Variants in TRPC5 observed in about 807,000 individuals in gnomAD.
TRPC5 encodes transient receptor potential cation channel subfamily C member 5, also known as short transient receptor potential channel 5.
Under a neutral mutation model 56.5 loss-of-function variants are expected in TRPC5, and 9 were observed. The observed-to-expected ratio is 0.16, with a 90% CI of 0.10 to 0.28. The LOEUF (loss-of-function observed/expected upper bound fraction) is 0.28, where lower values mean the gene tolerates loss of function less well. TRPC5 is among the 10% of genes least tolerant of loss of function. TRPC5 has a pLI of 1.00. For synonymous variants in TRPC5, 282 were observed against 278.5 expected (o/e 1.01, Z -0.13); for missense variants, 469 against 748.9 (o/e 0.63, Z 4.36).
intron 1 of TRPC5, among the ~76,000 whole-genome samples, chrX:112,014,324 A>G (rs983191976): frequency 1.8e-5 from 2 of 112,560 alleles, no homozygotes; most frequent in African/African-American, 3.2e-5. Flanking sequence ...TAGCTTCCAG[A>G]TTGTATCTGA....
chrX:112,042,947 T>C (rs1929933934), intron 1 of TRPC5, among the ~76,000 whole-genome samples: 1 of 111,732 alleles, frequency 8.9e-6, no homozygotes, highest in Non-Finnish European at 1.9e-5. Context: ...TTTATATGCT[T>C]ATGCAAAATA....
At chrX:111,969,078 C>G (rs961794793) in intron 1 of TRPC5, among the ~76,000 whole-genome samples, 30 of 109,465 alleles carry the variant, frequency 2.7e-4, no homozygotes, top group Non-Finnish European at 5.7e-5. Context: ...TTGCCACAGC[C>G]ACTTCAACCT....
intron 6 of TRPC5, among the ~76,000 whole-genome samples, chrX:111,842,530 G>T (rs982281689): frequency 1.8e-5 from 2 of 111,839 alleles, no homozygotes; most frequent in Non-Finnish European, 3.8e-5. Context: ...TTTAATAGCT[G>T]CCCAATATTC....
chrX:111,895,083 T>C (rs931920420), intron 3 of TRPC5, among the ~76,000 whole-genome samples: 1 of 111,983 alleles, frequency 8.9e-6, no homozygotes, highest in African/African-American at 3.2e-5. Context: ...GTGATAGAGG[T>C]ATGATTGGTT....
chrX:111,990,056 A>T (rs1347551649), intron 1 of TRPC5, among the ~76,000 whole-genome samples: 1 of 112,425 alleles, frequency 8.9e-6, no homozygotes, highest in African/African-American at 3.2e-5. Context: ...AATCAAGAAC[A>T]TTCTATTTTT....
intron 1 of TRPC5, among the ~76,000 whole-genome samples, chrX:112,012,740 C>A (rs1185554201): frequency 8.9e-6 from 1 of 111,909 alleles, no homozygotes; most frequent in African/African-American, 3.2e-5. Flanking sequence ...ATTTGCATTT[C>A]TTCCTGTTAA....
chrX:111,861,411 CTTTAT>C (rs1024659110), intron 3 of TRPC5, among the ~76,000 whole-genome samples: 2 of 112,000 alleles, frequency 1.8e-5, no homozygotes, highest in African/African-American at 6.5e-5. Flanking sequence ...AAACCATCCA[CTTTAT>C]TTTATTTAAT....
In TRPC5 at chrX:111,811,052, A is replaced by G. The variant is rs6642502; in HGVS notation, c.1896+23869T>C. 7.1e-5 allele frequency among the ~76,000 whole-genome samples: 8 copies of G among 112,467 alleles called. No individual in the cohort carries two copies. In the East Asian group the frequency reaches 2.2e-3, roughly 31 times the overall value. On this transcript the variant is annotated intron_variant, in intron 7 of 10. Transcript: ENST00000262839. ...AACGGAAATGAGAATTCAAGGAGAC[A>G]AAGGAATGATGTAAACTTTCTTCCC...
chrX:112,050,293 G>A (rs1930182608), intron 1 of TRPC5, among the ~76,000 whole-genome samples: 1 of 112,838 alleles, frequency 8.9e-6, no homozygotes, highest in Non-Finnish European at 1.9e-5. Context: ...TTAACATACT[G>A]AAGGAACCCA....
chrX:112,022,322 G>C (rs1929291995), intron 1 of TRPC5, among the ~76,000 whole-genome samples: 1 of 112,171 alleles, frequency 8.9e-6, no homozygotes, highest in Non-Finnish European at 1.9e-5. Flanking sequence ...GCTTTTGGTT[G>C]AAACGAAAAG....
At chrX:111,938,911 G>A (rs772724737) in intron 2 of TRPC5, among the ~76,000 whole-genome samples, 1 of 111,288 alleles carries the variant, frequency 9.0e-6, no homozygotes, top group Non-Finnish European at 1.9e-5. Context: ...TTTTTCTCTT[G>A]TCTGATAGCT....
intron 1 of TRPC5, among the ~76,000 whole-genome samples, chrX:112,011,102 A>G (rs1041454467): frequency 2.7e-5 from 3 of 111,572 alleles, no homozygotes; most frequent in African/African-American, 9.8e-5. Context: ...GGGGGAAAAA[A>G]GGATCAGCTA....
intron 1 of TRPC5, among the ~76,000 whole-genome samples, chrX:112,081,606 G>A (rs1042685189): frequency 3.2e-4 from 36 of 111,607 alleles, no homozygotes; most frequent in African/African-American, 1.1e-3. Flanking sequence ...TGTGGTTCAG[G>A]AAAATATTCC....
intron 1 of TRPC5, among the ~76,000 whole-genome samples, chrX:112,076,065 A>G (rs1055746316): frequency 8.9e-6 from 1 of 112,165 alleles, no homozygotes; most frequent in Admixed American, 9.5e-5. Flanking sequence ...GCAATAGAAA[A>G]CTAATATAAA....
chrX:111,964,979 A>G (rs1460459465), intron 1 of TRPC5, among the ~76,000 whole-genome samples: 5 of 112,118 alleles, frequency 4.5e-5, no homozygotes, highest in Admixed American at 9.5e-5. Flanking sequence ...TAACAATATT[A>G]ACTTTAAATG....
At chrX:111,791,971 G>A (rs1031006129) in intron 7 of TRPC5, among the ~76,000 whole-genome samples, 1 of 112,047 alleles carries the variant, frequency 8.9e-6, no homozygotes, top group African/African-American at 3.2e-5. Flanking sequence ...ATACCCAAAG[G>A]ATTATAAATC....
chrX:112,000,787 G>T (rs1928677599), intron 1 of TRPC5, among the ~76,000 whole-genome samples: 1 of 111,665 alleles, frequency 9.0e-6, no homozygotes, highest in Admixed American at 9.5e-5. Context: ...TATCACTTTT[G>T]TTCCCATATA....
intron 7 of TRPC5, among the ~76,000 whole-genome samples, chrX:111,802,849 TTTA>T (rs1220213271): frequency 9.0e-6 from 1 of 111,591 alleles, no homozygotes; most frequent in Non-Finnish European, 1.9e-5. Context: ...TCTTTATTTA[TTTA>T]TTCATTTATT....
intron 2 of TRPC5, among the ~76,000 whole-genome samples, chrX:111,941,553 G>T (rs180856750): frequency 8.9e-6 from 1 of 112,239 alleles, no homozygotes; most frequent in East Asian, 2.8e-4. Context: ...AGTCGTGGAG[G>T]TGGCTTCTCC....
Sources: gnomAD v4.1 joint callset for allele counts (sites outside exome capture counted in the v4.1 genomes callset) on GRCh38, gnomAD v4.1.1 for gene constraint, MANE v1.5 for transcripts, NCBI Gene and HGNC (gene_info 2026-07-23, HGNC 2026-07-21) for gene names.